Variants in GAB3 observed in about 807,000 individuals in gnomAD.
GAB3 encodes GRB2-associated-binding protein 3.
In GAB3, 12 loss-of-function variants were observed where a neutral mutation model predicts 40.4. The ratio of observed to expected loss-of-function variants is 0.30; its 90% CI spans 0.19 to 0.48. The LOEUF (loss-of-function observed/expected upper bound fraction) is 0.48. GAB3 is among the 20% of genes least tolerant of loss of function. GAB3 has a pLI of 0.99. For synonymous variants in GAB3, 154 were observed against 176.7 expected, an observed-to-expected ratio of 0.87 and a Z score of 1.02; for missense variants, 381 against 461.9, an observed-to-expected ratio of 0.82 and a Z score of 1.61.
intron 4 of GAB3, among the ~76,000 whole-genome samples, chrX:154,706,190 C>G (rs1412606990): frequency 9.0e-6 from 1 of 111,234 alleles, no homozygotes; most frequent in African/African-American, 3.3e-5. Context: ...CCGAGGCAGG[C>G]AGATCACCTT....
chrX:154,691,974 T>G lies in GAB3; in HGVS notation c.1530+3943A>C, dbSNP rs1387258141. On this transcript the variant is annotated intron_variant, in intron 8 of 9. Coordinates refer to ENST00000424127, the MANE Select transcript of GAB3 (RefSeq NM_001081573.3). Reference sequence around the variant, plus strand: ...AACTGAATGTCCACAAGCAAAAGAATGACGTTGGCCTCTAACTTTATACCA... The same window carrying G: ...AACTGAATGTCCACAAGCAAAAGAAGGACGTTGGCCTCTAACTTTATACCA... 2.7e-5 allele frequency among the ~76,000 whole-genome samples: 3 copies of G among 111,774 alleles called. No homozygotes were observed. In the East Asian group the frequency reaches 8.4e-4, roughly 31 times the overall value.
At chrX:154,722,005 T>C (rs1603426821) in intron 1 of GAB3, among the ~76,000 whole-genome samples, 1 of 112,037 alleles carries the variant, frequency 8.9e-6, no homozygotes. Context: ...TAATTTACAA[T>C]GGCCAAGATA....
chrX:154,703,561 T>A, intron 4 of GAB3, among the ~76,000 whole-genome samples: 1 of 111,652 alleles, frequency 9.0e-6, no homozygotes, highest in East Asian at 2.8e-4. Context: ...ATACGAGGCT[T>A]AATACCTGGG....
Position 154,713,335 on chromosome X carries a change from A to C in GAB3, c.468T>G (p.Ser156=). ...TAGTGTTTGGGTCATCTCTTGGCAA[A>C]GAGGAGCTGGCAGCATGGGCGGTAA... ...SLLTAHAASS[S]LPRDDPNTNA... The change falls in exon 3 of 10, where the codon TCT becomes TCG. Residue 156 remains serine (S), a synonymous_variant. Coordinates refer to ENST00000424127, the MANE Select transcript of GAB3 (RefSeq NM_001081573.3). 2 of 1,210,718 alleles carry C rather than the reference A, an allele frequency of 1.7e-6. No individual in the cohort carries two copies. The highest frequency in any genetic ancestry group is 2.2e-6 in the Non-Finnish European group (2 of 895,218).
chrX:154,713,059 C>T (rs1450872052), intron 3 of GAB3, 148 bp downstream of exon 3: 3 of 488,555 alleles, frequency 6.1e-6, no homozygotes, highest in Non-Finnish European at 1.1e-5. Context: ...ACAGCAGACA[C>T]ACCCACTAGA....
At chrX:154,750,324 C>G (rs782624155) in intron 1 of GAB3, among the ~76,000 whole-genome samples, 1 of 112,466 alleles carries the variant, frequency 8.9e-6, no homozygotes, top group African/African-American at 3.2e-5. Context: ...AAGATTCGCT[C>G]TTCCAAGTAT....
intron 1 of GAB3, among the ~76,000 whole-genome samples, chrX:154,718,611 G>T (rs782485630): frequency 4.5e-4 from 50 of 111,177 alleles, no homozygotes; most frequent in African/African-American, 1.5e-3. Context: ...CTCAAGTTTT[G>T]CTGTGGGGTT....
chrX:154,726,051 A>G (rs905581307), intron 1 of GAB3, among the ~76,000 whole-genome samples: 4 of 111,986 alleles, frequency 3.6e-5, no homozygotes, highest in Non-Finnish European at 7.5e-5. Flanking sequence ...AAAACACCCA[A>G]GAAATTACTA....
intron 1 of GAB3, among the ~76,000 whole-genome samples, chrX:154,750,117 A>C (rs1248903883): frequency 1.8e-5 from 2 of 112,928 alleles, no homozygotes; most frequent in African/African-American, 6.4e-5. Flanking sequence ...GCCTAAAAAA[A>C]GCAAGAAGTC....
chrX:154,689,929 A>T (rs2148420593), intron 8 of GAB3, among the ~76,000 whole-genome samples: 1 of 106,990 alleles, frequency 9.3e-6, no homozygotes, highest in East Asian at 3.0e-4. Flanking sequence ...TAAAGTTCAT[A>T]TGGAACCAAA....
chrX:154,697,264 T>C (rs1305294577), intron 6 of GAB3, 51 bp from the exon 7 acceptor site: 2 of 845,858 alleles, frequency 2.4e-6, no homozygotes, highest in South Asian at 2.8e-5. Context: ...GTCTAAAGAC[T>C]GTAAAACTAT....
At chrX:154,685,610 A>T (rs1400404216) in intron 8 of GAB3, among the ~76,000 whole-genome samples, 1 of 111,632 alleles carries the variant, frequency 9.0e-6, no homozygotes, top group East Asian at 2.8e-4. Context: ...AAGAAAAAAA[A>T]CAAAAAAAAC....
intron 7 of GAB3, 56 bp from the exon 8 acceptor site, chrX:154,696,075 C>G: frequency 1.4e-6 from 1 of 732,602 alleles, no homozygotes; most frequent in Non-Finnish European, 2.1e-6. Context: ...GCTCTGAAAG[C>G]TGGCCAGGAA....
chrX:154,749,983 C>T (rs2071587059), intron 1 of GAB3, among the ~76,000 whole-genome samples: 1 of 113,117 alleles, frequency 8.8e-6, no homozygotes, highest in Non-Finnish European at 1.9e-5. Context: ...CAAGGCTGAA[C>T]CACATTTGGG....
intron 6 of GAB3, 117 bp from the exon 7 acceptor site, chrX:154,697,330 G>A: frequency 4.4e-6 from 2 of 456,267 alleles, no homozygotes; most frequent in South Asian, 9.0e-5. Flanking sequence ...CAGCACTGAT[G>A]ATGAGGGTGA....
At chrX:154,732,850 T>A (rs1473385109) in intron 1 of GAB3, among the ~76,000 whole-genome samples, 1 of 110,973 alleles carries the variant, frequency 9.0e-6, no homozygotes, top group Non-Finnish European at 1.9e-5. Context: ...GGCCAGCACA[T>A]AACCTTGAGT....
intron 2 of GAB3, among the ~76,000 whole-genome samples, chrX:154,713,742 CATATATATAT>C (rs59885867): frequency 0.048 from 946 of 19,645 alleles, 26 homozygotes; most frequent in Middle Eastern, 0.12. Flanking sequence ...AACTAACAAA[CATATATATAT>C]ATATATATAT....
At chrX:154,736,617 T>C (rs912058209) in intron 1 of GAB3, among the ~76,000 whole-genome samples, 1 of 112,392 alleles carries the variant, frequency 8.9e-6, no homozygotes, top group African/African-American at 3.2e-5. Flanking sequence ...GGTGCTAAGA[T>C]CTTAAAGTCT....
At chrX:154,744,961 T>G (rs1238974727) in intron 1 of GAB3, among the ~76,000 whole-genome samples, 1 of 112,123 alleles carries the variant, frequency 8.9e-6, no homozygotes, top group Non-Finnish European at 1.9e-5. Context: ...AGGGGAAAAT[T>G]AAATAATACT....
Sources: allele counts gnomAD v4.1 joint callset (sites outside exome capture counted in the v4.1 genomes callset), GRCh38; gene constraint gnomAD v4.1.1; transcripts MANE v1.5; gene names NCBI Gene and HGNC (gene_info 2026-07-23, HGNC 2026-07-21).